TASP1: variants seen among roughly 807,000 people sequenced by gnomAD.
The protein encoded by TASP1 is taspase 1.
Under a neutral mutation model 56.6 loss-of-function variants are expected in TASP1, and 16 were observed. The observed-to-expected ratio is 0.28, with a 90% CI of 0.19 to 0.43. The LOEUF (loss-of-function observed/expected upper bound fraction) is 0.43, where lower values mean the gene tolerates loss of function less well. Among genes scored for constraint, TASP1 ranks in the 20% least tolerant of loss-of-function variants. The pLI, the probability that TASP1 is intolerant of heterozygous loss-of-function variation, is 1.00. For synonymous variants in TASP1, 179 were observed against 184.2 expected (o/e 0.97, Z 0.23); for missense variants, 393 against 511.6 (o/e 0.77, Z 2.24).
At chr20:13,244,575 T>C in the TASP1 span, among the ~76,000 whole-genome samples, 1 of 152,172 alleles carries the variant, frequency 6.6e-6, no homozygotes, top group East Asian at 1.9e-4. Flanking sequence ...ATATTAAAGA[T>C]ACTTATTTAG....
At chr20:13,321,623 C>T in the TASP1 span, among the ~76,000 whole-genome samples, 4 of 152,198 alleles carry the variant, frequency 2.6e-5, no homozygotes, top group African/African-American at 7.2e-5. Flanking sequence ...ACTTGATCCT[C>T]GGCTTCTAGC....
intron 11 of TASP1, among the ~76,000 whole-genome samples, chr20:13,474,182 A>G (rs1302750727): frequency 6.6e-6 from 1 of 152,210 alleles, no homozygotes; most frequent in Non-Finnish European, 1.5e-5. Flanking sequence ...GTTTTGAGTT[A>G]CATGAATACA....
chr20:13,292,388 T>C, the TASP1 span: 7 of 1,602,530 alleles, frequency 4.4e-6, no homozygotes, highest in African/African-American at 8.0e-5. Context: ...TGAAGACACT[T>C]TTAGGACAGC....
chr20:13,153,760 C>T, the TASP1 span, among the ~76,000 whole-genome samples: 38 of 152,140 alleles, frequency 2.5e-4, no homozygotes, highest in African/African-American at 8.7e-4. Flanking sequence ...CGTATCCTGG[C>T]TTCAGTTGCT....
chr20:13,626,993 C>T (rs2048918293), intron 2 of TASP1, among the ~76,000 whole-genome samples: 1 of 149,486 alleles, frequency 6.7e-6, no homozygotes, highest in Non-Finnish European at 1.5e-5. Flanking sequence ...ATCCAAGCCA[C>T]TGACAAATAG....
intron 4 of TASP1, among the ~76,000 whole-genome samples, chr20:13,595,742 T>C (rs943757379): frequency 2.6e-5 from 4 of 152,120 alleles, no homozygotes; most frequent in African/African-American, 9.7e-5. Flanking sequence ...CTGAGAGACC[T>C]AAAAAGAGAT....
At chr20:13,437,883 C>G (rs6042095) in intron 11 of TASP1, among the ~76,000 whole-genome samples, 1 of 152,108 alleles carries the variant, frequency 6.6e-6, no homozygotes, top group Non-Finnish European at 1.5e-5. Context: ...TGGAAGAACA[C>G]TCCACGCTCA....
At chr20:13,289,020 T>C in the TASP1 span, among the ~76,000 whole-genome samples, 1 of 152,104 alleles carries the variant, frequency 6.6e-6, no homozygotes, top group African/African-American at 2.4e-5. Context: ...ATTCCTGACC[T>C]TGTGATCCGC....
the TASP1 span, among the ~76,000 whole-genome samples, chr20:13,175,637 C>A: frequency 6.6e-6 from 1 of 152,254 alleles, no homozygotes; most frequent in South Asian, 2.1e-4. Flanking sequence ...ACAGGCCTGA[C>A]CTCACGAGTT....
At chr20:13,551,545 C>T (rs2045982811) in intron 8 of TASP1, among the ~76,000 whole-genome samples, 1 of 152,134 alleles carries the variant, frequency 6.6e-6, no homozygotes, top group Non-Finnish European at 1.5e-5. Context: ...CTCTAAGAGT[C>T]CCTTCCAGTC....
the TASP1 span, among the ~76,000 whole-genome samples, chr20:13,296,083 A>G: frequency 2.6e-5 from 4 of 152,196 alleles, no homozygotes; most frequent in East Asian, 7.7e-4. Flanking sequence ...AATGCACCCC[A>G]CATTCCACCA....
At chr20:13,520,846 A>G (rs966475481) in intron 10 of TASP1, among the ~76,000 whole-genome samples, 7 of 152,024 alleles carry the variant, frequency 4.6e-5, no homozygotes, top group Non-Finnish European at 8.8e-5. Flanking sequence ...AACCTATAGA[A>G]TGGGAGAAAA....
rs994024053 is a variant in TASP1, at chr20:13,390,069, G to A, written c.*291C>T. On this transcript the variant is annotated 3_prime_UTR_variant, in exon 14 of 14. Transcript: ENST00000337743. The stretch of plus-strand genomic sequence containing the variant: ...TGTAAAGATGATTTAACCATTCCTG[G>A]TCACACAATGAGGAGTTTCTATTTC... 1 of 290,110 alleles carries A rather than the reference G, an allele frequency of 3.4e-6. No homozygotes were observed. The highest frequency in any genetic ancestry group is 6.6e-6 in the Non-Finnish European group (1 of 152,018). 18.0% of individuals were successfully genotyped at this position (290,110 alleles called of 1,614,324 possible). A position where few individuals can be genotyped will look rare whatever the true frequency, so the allele number is the denominator to read the frequency against.
the TASP1 span, among the ~76,000 whole-genome samples, chr20:13,275,370 G>C: frequency 6.6e-6 from 1 of 152,134 alleles, no homozygotes; most frequent in South Asian, 2.1e-4. Context: ...AATACTTTTA[G>C]AGGAATGGCA....
At chr20:13,467,944 A>G (rs2044326199) in intron 11 of TASP1, among the ~76,000 whole-genome samples, 1 of 151,306 alleles carries the variant, frequency 6.6e-6, no homozygotes, top group Non-Finnish European at 1.5e-5. Context: ...TGAACCCAGG[A>G]GGCGGAGGGT....
At chr20:13,181,563 T>C in the TASP1 span, among the ~76,000 whole-genome samples, 1 of 152,204 alleles carries the variant, frequency 6.6e-6, no homozygotes, top group Non-Finnish European at 1.5e-5. Context: ...AGGAACCAAA[T>C]ATTGACCTTT....
the TASP1 span, among the ~76,000 whole-genome samples, chr20:13,127,941 C>A: frequency 1.3e-5 from 2 of 152,140 alleles, no homozygotes; most frequent in African/African-American, 4.8e-5. Flanking sequence ...CTGAAGGTAG[C>A]TGCCTGAATC....
intron 4 of TASP1, among the ~76,000 whole-genome samples, chr20:13,602,517 T>C (rs1390981584): frequency 6.6e-6 from 1 of 152,194 alleles, no homozygotes; most frequent in Non-Finnish European, 1.5e-5. Context: ...AACTGGATAT[T>C]AGCATATGAG....
chr20:13,575,229 G>C (rs1423258761), intron 6 of TASP1, among the ~76,000 whole-genome samples: 1 of 152,150 alleles, frequency 6.6e-6, no homozygotes, highest in African/African-American at 2.4e-5. Flanking sequence ...CATCTCAATA[G>C]ATGCAGCAAA....
Sources: gnomAD v4.1 joint callset for allele counts (sites outside exome capture counted in the v4.1 genomes callset) on GRCh38, gnomAD v4.1.1 for gene constraint, MANE v1.5 for transcripts, NCBI Gene and HGNC (gene_info 2026-07-23, HGNC 2026-07-21) for gene names.